The following NRDC variants were observed in gnomAD, a reference collection of about 807,000 sequenced individuals.
NRDC encodes nardilysin convertase.
In NRDC, 54 loss-of-function variants were observed where a neutral mutation model predicts 147.1. The observed-to-expected ratio is 0.37, with a 90% CI of 0.29 to 0.46. NRDC has a LOEUF of 0.46. Among genes scored for constraint, NRDC ranks in the 20% least tolerant of loss-of-function variants. The probability of loss-of-function intolerance (pLI) is 1.00; values close to 1 mark genes in which losing one functional copy is unlikely to be tolerated. For synonymous variants in NRDC, 440 were observed against 482.1 expected (o/e 0.91, Z 1.14); for missense variants, 1,082 against 1,370.6 (o/e 0.79, Z 3.33).
At position 51,840,140 on chromosome 1, in the gene NRDC, T is replaced by C. The variant is rs969143118; in HGVS notation, c.630+86A>G. The C allele has an allele frequency of 6.6e-6, 7 of 1,054,258 alleles. No homozygotes were observed. In the African/African-American group the frequency reaches 1.1e-4, roughly 17 times the overall value. 65.3% of individuals were successfully genotyped at this position (1,054,258 alleles called of 1,614,324 possible). ...GAAGACCAAAAGATAACTATATACTTCCTTTTTGCCATTAAAAAATAAAGC... is the reference window on the plus strand; with the variant it reads ...GAAGACCAAAAGATAACTATATACTCCCTTTTTGCCATTAAAAAATAAAGC... On this transcript the variant is annotated intron_variant, in intron 2 of 30. Transcript: ENST00000352171.
chr1:51,806,486 T>C (rs961941478), intron 18 of NRDC, among the ~76,000 whole-genome samples: 1 of 152,278 alleles, frequency 6.6e-6, no homozygotes, highest in Middle Eastern at 3.4e-3. Flanking sequence ...TGTGACAGCA[T>C]AGGAGGACAG....
Position 51,849,548 on chromosome 1 carries a change from GGCTC to G in NRDC, c.342-9038_342-9035del, listed in dbSNP as rs1681832312. Among the ~76,000 whole-genome samples, 3 of 152,284 alleles carry G rather than the reference GGCTC, an allele frequency of 2.0e-5. No homozygotes were observed. The South Asian group carries it at 6.2e-4, about 32-fold the overall frequency. ...TTTGAAAAAGATGGCCGGGCACGGT[GGCTC>G]ACGCCTGTAATCCCGGCACTTTGGA... On this transcript the variant is annotated intron_variant, in intron 1 of 30. Coordinates refer to ENST00000352171, the MANE Select transcript of NRDC (RefSeq NM_001101662.2).
intron 1 of NRDC, chr1:51,861,994 A>G (rs1396973344): frequency 6.6e-6 from 1 of 152,192 alleles, no homozygotes; most frequent in Non-Finnish European, 1.5e-5. Context: ...CATTGGACTT[A>G]ATATCCTCCT....
intron 10 of NRDC, among the ~76,000 whole-genome samples, chr1:51,817,166 G>C (rs1197250436): frequency 1.3e-5 from 2 of 152,146 alleles, no homozygotes; most frequent in Non-Finnish European, 1.5e-5. Context: ...TGAATGTCAA[G>C]ATATGATTTT....
intron 1 of NRDC, among the ~76,000 whole-genome samples, chr1:51,863,013 GA>G (rs562410956): frequency 1.3e-3 from 41 of 32,042 alleles, no homozygotes; most frequent in South Asian, 0.012. Flanking sequence ...CTGTGTGGAG[GA>G]AAAAAAAAAA....
chr1:51,876,572 T>G (rs1683338746), intron 1 of NRDC, among the ~76,000 whole-genome samples: 1 of 152,340 alleles, frequency 6.6e-6, no homozygotes, highest in South Asian at 2.1e-4. Context: ...TCATAAAGTT[T>G]TGGATTTCCG....
chr1:51,816,416 G>A (rs567036715), intron 10 of NRDC, 27 bp from the exon 11 acceptor site: 1 of 1,428,836 alleles, frequency 7.0e-7, no homozygotes, highest in Non-Finnish European at 9.5e-7. Flanking sequence ...ATGGTCAGAA[G>A]AAAAAAACAA....
intron 2 of NRDC, chr1:51,837,447 C>T: frequency 6.8e-7 from 1 of 1,478,342 alleles, no homozygotes; most frequent in Non-Finnish European, 9.1e-7. Flanking sequence ...CTTCAAACCA[C>T]AATCTAACCT....
At chr1:51,800,155 T>C (rs959071203) in intron 21 of NRDC, among the ~76,000 whole-genome samples, 2 of 152,188 alleles carry the variant, frequency 1.3e-5, no homozygotes, top group African/African-American at 4.8e-5. Flanking sequence ...TTTAATTTTT[T>C]GTAGAGATGA....
At chr1:51,854,694 T>G (rs1039800051) in intron 1 of NRDC, among the ~76,000 whole-genome samples, 1 of 152,120 alleles carries the variant, frequency 6.6e-6, no homozygotes, top group Non-Finnish European at 1.5e-5. Context: ...GAGGCCAAGG[T>G]GGGAGGATCA....
chr1:51,806,940 A>G lies in NRDC; in HGVS notation c.1991-27T>C, dbSNP rs775098935. ...TAATAAAAGAAGATAATAATAATTC[A>G]CTCAAGTATTTCAGCAGGAGCCCCA... On this transcript the variant is annotated intron_variant, in intron 17 of 30. Transcript: ENST00000352171. 65 of 1,604,392 alleles carry G rather than the reference A, an allele frequency of 4.1e-5. 1 individual carries two copies. In the South Asian group the frequency reaches 7.2e-4, roughly 18 times the overall value.
At chr1:51,868,998 G>A (rs553470052) in intron 1 of NRDC, among the ~76,000 whole-genome samples, 30 of 152,160 alleles carry the variant, frequency 2.0e-4, no homozygotes, top group African/African-American at 6.5e-4. Context: ...GGAGTGTACC[G>A]GTGTGATCAT....
intron 14 of NRDC, 124 bp downstream of exon 14, chr1:51,813,911 A>G (rs1679838716): frequency 2.9e-6 from 2 of 690,790 alleles, no homozygotes; most frequent in Admixed American, 2.5e-5. Context: ...GGCCACCTGG[A>G]GACTCACATG....
chr1:51,851,548 A>G (rs919863015), intron 1 of NRDC, among the ~76,000 whole-genome samples: 27 of 131,364 alleles, frequency 2.1e-4, no homozygotes, highest in Middle Eastern at 0.011. Context: ...GGCCCAAGGA[A>G]AAAAAAAAAA....
intron 2 of NRDC, among the ~76,000 whole-genome samples, chr1:51,838,105 T>C (rs919224223): frequency 3.3e-5 from 5 of 152,182 alleles, no homozygotes; most frequent in Non-Finnish European, 5.9e-5. Flanking sequence ...CCATTGCTTC[T>C]GAATCAAAAC....
chr1:51,850,939 G>T (rs1571904988), intron 1 of NRDC, among the ~76,000 whole-genome samples: 2 of 152,058 alleles, frequency 1.3e-5, no homozygotes, highest in South Asian at 4.2e-4. Flanking sequence ...ATTGGACTGG[G>T]TGAGCCAACT....
chr1:51,811,794 T>C (rs1363209396), intron 15 of NRDC, among the ~76,000 whole-genome samples, 200 bp downstream of exon 15: 1 of 152,188 alleles, frequency 6.6e-6, no homozygotes, highest in Non-Finnish European at 1.5e-5. Context: ...TTTGATTTTC[T>C]CCTTATATTA....
chr1:51,797,173 C>G (rs931909567), intron 22 of NRDC, among the ~76,000 whole-genome samples: 2 of 151,872 alleles, frequency 1.3e-5, no homozygotes, highest in African/African-American at 4.8e-5. Flanking sequence ...TGGACTCCAG[C>G]CTGGGTGACA....
chr1:51,833,174 TAAGTGGCTGGGCA>T (rs1365346861), intron 4 of NRDC, among the ~76,000 whole-genome samples: 1 of 152,146 alleles, frequency 6.6e-6, no homozygotes, highest in East Asian at 1.9e-4. Flanking sequence ...TTCTGTTTTT[TAAGTGGCTGGGCA>T]AAGTGGCTCA....
Sources: gnomAD v4.1 joint callset for allele counts (sites outside exome capture counted in the v4.1 genomes callset) on GRCh38, gnomAD v4.1.1 for gene constraint, MANE v1.5 for transcripts, NCBI Gene and HGNC (gene_info 2026-07-23, HGNC 2026-07-21) for gene names.